The following PLCB1 variants were observed in gnomAD, a reference collection of about 807,000 sequenced individuals.
PLCB1 encodes the protein 1-phosphatidylinositol 4,5-bisphosphate phosphodiesterase beta-1.
PLCB1 carries 46 observed loss-of-function variants against 161.8 expected under a neutral mutation model. That is an observed-to-expected ratio of 0.28 (90% CI 0.22 to 0.36). The LOEUF (loss-of-function observed/expected upper bound fraction) is 0.36, where lower values mean the gene tolerates loss of function less well. Among genes scored for constraint, PLCB1 ranks in the 10% least tolerant of loss-of-function variants. The probability of loss-of-function intolerance (pLI) is 1.00; values close to 1 mark genes in which losing one functional copy is unlikely to be tolerated. For missense variants in PLCB1, 1,016 were observed against 1,472.5 expected (o/e 0.69, Z 5.07); for synonymous variants, 517 against 503.7 (o/e 1.03, Z -0.35).
At chr20:8,697,548 G>T in intron 10 of PLCB1, 78 bp from the exon 11 acceptor site, 1 of 1,427,108 alleles carries the variant, frequency 7.0e-7, no homozygotes, top group South Asian at 1.2e-5. Flanking sequence ...TCCTGTTATT[G>T]AGGAGCCTTT....
chr20:8,320,294 G>A (rs1203475659), intron 2 of PLCB1, among the ~76,000 whole-genome samples: 2 of 152,156 alleles, frequency 1.3e-5, no homozygotes, highest in South Asian at 2.1e-4. Flanking sequence ...AAACATCCAC[G>A]TAATAGCAGT....
chr20:8,350,882 T>A (rs1986157622), intron 2 of PLCB1, among the ~76,000 whole-genome samples: 2 of 152,210 alleles, frequency 1.3e-5, no homozygotes, highest in Admixed American at 6.5e-5. Flanking sequence ...TGATATTTCA[T>A]GTTCATGGAT....
chr20:8,654,988 G>T (rs913911636), intron 7 of PLCB1, among the ~76,000 whole-genome samples: 2 of 151,970 alleles, frequency 1.3e-5, no homozygotes, highest in African/African-American at 4.8e-5. Flanking sequence ...AGACTTTGGG[G>T]TATCCTCATC....
Position 8,402,101 on chromosome 20 carries a change from T to C in PLCB1, c.246+30651T>C, listed in dbSNP as rs1372139907. ...TTTTTAGACTAGTAATAAAATGTTT[T>C]AATTATTGTGGCTTTACAATATATA... On this transcript the variant is annotated intron_variant, in intron 3 of 31. Coordinates refer to ENST00000338037, the MANE Select transcript of PLCB1 (RefSeq NM_015192.4). 3.3e-5 allele frequency among the ~76,000 whole-genome samples: 5 copies of C among 152,216 alleles called. No homozygotes were observed. The East Asian group carries it at 9.6e-4, about 29-fold the overall frequency.
intron 2 of PLCB1, among the ~76,000 whole-genome samples, chr20:8,355,336 T>C (rs553734065): frequency 6.6e-6 from 1 of 152,190 alleles, no homozygotes; most frequent in South Asian, 2.1e-4. Context: ...CATTAAAAAG[T>C]ATTCCTCATT....
intron 2 of PLCB1, among the ~76,000 whole-genome samples, chr20:8,202,437 T>C (rs939825279): frequency 1.3e-5 from 2 of 152,220 alleles, no homozygotes; most frequent in African/African-American, 4.8e-5. Flanking sequence ...AATGTTGATA[T>C]TGTACCATTT....
chr20:8,332,772 T>G (rs1031949078), intron 2 of PLCB1, among the ~76,000 whole-genome samples: 1 of 152,224 alleles, frequency 6.6e-6, no homozygotes, highest in Non-Finnish European at 1.5e-5. Flanking sequence ...GCCAGAGTTA[T>G]GGAGTCTAGC....
intron 3 of PLCB1, among the ~76,000 whole-genome samples, chr20:8,443,144 T>C (rs1207938564): frequency 6.6e-6 from 1 of 152,130 alleles, no homozygotes; most frequent in African/African-American, 2.4e-5. Context: ...CACACCCAGC[T>C]AATATTTTTG....
At chr20:8,180,080 G>C (rs967053113) in intron 2 of PLCB1, among the ~76,000 whole-genome samples, 2 of 151,664 alleles carry the variant, frequency 1.3e-5, no homozygotes, top group Non-Finnish European at 2.9e-5. Flanking sequence ...GGATGGTCTC[G>C]ATCTCCTGAC....
chr20:8,640,961 T>G (rs1227484268), intron 4 of PLCB1, among the ~76,000 whole-genome samples: 1 of 152,208 alleles, frequency 6.6e-6, no homozygotes, highest in African/African-American at 2.4e-5. Flanking sequence ...TCAAGAAGAC[T>G]GGGACATACT....
intron 3 of PLCB1, among the ~76,000 whole-genome samples, chr20:8,543,680 A>ATC (rs76545405): frequency 0.3 from 44,557 of 150,052 alleles, 7,125 homozygotes; most frequent in Non-Finnish European, 0.33. Context: ...CGTCACCCAA[A>ATC]TCATCTTGAA....
At chr20:8,198,359 T>C (rs2052052106) in intron 2 of PLCB1, among the ~76,000 whole-genome samples, 1 of 152,156 alleles carries the variant, frequency 6.6e-6, no homozygotes, top group South Asian at 2.1e-4. Flanking sequence ...GTAGTTCTCC[T>C]TGAAGAAGTC....
intron 31 of PLCB1, among the ~76,000 whole-genome samples, chr20:8,851,297 C>T (rs1020992663): frequency 6.6e-5 from 10 of 152,336 alleles, no homozygotes; most frequent in Non-Finnish European, 1.5e-4. Flanking sequence ...TTCTTTACCT[C>T]TCTTCCTCCT....
At chr20:8,735,247 G>A (rs897739712) in intron 19 of PLCB1, among the ~76,000 whole-genome samples, 6 of 152,092 alleles carry the variant, frequency 3.9e-5, no homozygotes, top group Non-Finnish European at 7.4e-5. Context: ...GTATTTGTTT[G>A]CTTATTTCTT....
chr20:8,441,257 G>T (rs917999630), intron 3 of PLCB1, among the ~76,000 whole-genome samples: 1 of 152,278 alleles, frequency 6.6e-6, no homozygotes, highest in Admixed American at 6.5e-5. Context: ...CAGAATTATA[G>T]TTGAAATCTA....
At chr20:8,729,195 A>G in intron 18 of PLCB1, 21 bp downstream of exon 18, 1 of 1,583,730 alleles carries the variant, frequency 6.3e-7, no homozygotes, top group Non-Finnish European at 8.6e-7. Flanking sequence ...GCTTGTTCCC[A>G]TTCTGCTATG....
chr20:8,788,821 G>A (rs1027285466), intron 29 of PLCB1, 99 bp downstream of exon 29: 3 of 736,126 alleles, frequency 4.1e-6, no homozygotes, highest in Admixed American at 3.0e-5. Context: ...AGACTCCTTC[G>A]TGAAGTTTCT....
chr20:8,440,136 G>A (rs752159806), intron 3 of PLCB1, among the ~76,000 whole-genome samples: 1 of 152,114 alleles, frequency 6.6e-6, no homozygotes, highest in African/African-American at 2.4e-5. Flanking sequence ...ATCACCTCAA[G>A]GTCGCCATGA....
At chr20:8,154,922 T>C (rs766519923) in intron 2 of PLCB1, among the ~76,000 whole-genome samples, 26 of 152,328 alleles carry the variant, frequency 1.7e-4, no homozygotes, top group African/African-American at 4.1e-4. Context: ...TTTCATGTAG[T>C]TACATTCCAA....
Sources: gnomAD v4.1 joint callset for allele counts (sites outside exome capture counted in the v4.1 genomes callset) on GRCh38, gnomAD v4.1.1 for gene constraint, MANE v1.5 for transcripts, NCBI Gene and HGNC (gene_info 2026-07-23, HGNC 2026-07-21) for gene names.